The following STK32C variants were observed in gnomAD, a reference collection of about 807,000 sequenced individuals.
STK32C encodes the protein serine/threonine-protein kinase 32C.
STK32C carries 31 observed loss-of-function variants against 56.5 expected under a neutral mutation model. The ratio of observed to expected loss-of-function variants is 0.55; its 90% confidence interval spans 0.41 to 0.74. The LOEUF (loss-of-function observed/expected upper bound fraction) is 0.74. STK32C is among the 30% of genes least tolerant of loss of function. The pLI is 0.00. For synonymous variants in STK32C, 309 were observed against 289.4 expected, an observed-to-expected ratio of 1.07 and a Z score of -0.69; for missense variants, 544 against 676.9, an observed-to-expected ratio of 0.80 and a Z score of 2.18.
chr10:132,292,776 C>G (rs1017577457), intron 1 of STK32C, among the ~76,000 whole-genome samples: 9 of 151,980 alleles, frequency 5.9e-5, no homozygotes, highest in African/African-American at 2.2e-4. Flanking sequence ...GCCTGGCTGA[C>G]ACCATCCCCT....
At position 132,268,100 on chromosome 10, in the gene STK32C, C is replaced by A. The variant is rs1460279369; in HGVS notation, c.263-22145G>T. Among the ~76,000 whole-genome samples, 4 of 144,434 alleles carry A rather than the reference C, an allele frequency of 2.8e-5. No homozygotes were observed. In the East Asian group the frequency reaches 8.6e-4, roughly 31 times the overall value. 94.8% of individuals were successfully genotyped at this position (144,434 alleles called of 152,430 possible). On this transcript the variant is annotated intron_variant, in intron 1 of 11. Coordinates refer to ENST00000298630, the MANE Select transcript of STK32C (RefSeq NM_173575.4). ...GTGTGTGTGTCGGTGTGTGTGCATGCCTGTGTATGCAGGTGCAGCTGTGCC... is the reference window on the plus strand; with the variant it reads ...GTGTGTGTGTCGGTGTGTGTGCATGACTGTGTATGCAGGTGCAGCTGTGCC...
intron 1 of STK32C, among the ~76,000 whole-genome samples, chr10:132,269,209 GCCTGTGGGTGCAGC>G (rs2064731166): frequency 6.6e-6 from 1 of 150,526 alleles, no homozygotes; most frequent in Non-Finnish European, 1.5e-5. Context: ...GCATGCATGT[GCCTGTGGGTGCAGC>G]TCTGTGCATG....
At chr10:132,314,426 T>C (rs1489712358) in intron 1 of STK32C, among the ~76,000 whole-genome samples, 1 of 152,044 alleles carries the variant, frequency 6.6e-6, no homozygotes, top group Non-Finnish European at 1.5e-5. Flanking sequence ...GGAGATACAA[T>C]GTAACTAAAA....
Position 132,307,585 on chromosome 10 carries a change from G to T in STK32C, c.249C>A (p.Asp83Glu). The change falls in exon 1 of 12, where the codon GAC (aspartate) becomes GAA (glutamate). Residue 83 changes from aspartate to glutamate, a missense_variant. Around this residue, in one of 3 missense-constraint regions of STK32C, gnomAD observed 182 missense variants for 217.7 expected, o/e 0.84. Transcript: ENST00000298630. The surrounding 1 kb of genome is among the most constrained non-coding windows in gnomAD (Gnocchi z 4.4). ...SAATARRPVFDDKEDVNFDHF... is the reference protein window; with the variant it reads ...SAATARRPVFEDKEDVNFDHF... ...GCCCGCACTCACCGTCCTCCTTGTC[G>T]TCAAACACCGGCCTCCGCGCGGTGG... 4 of 1,533,456 alleles carry T rather than the reference G, an allele frequency of 2.6e-6. No homozygotes were observed. Among genetic ancestry groups the T allele is most frequent in the Non-Finnish European group, 3.5e-6 (4 of 1,140,046 alleles). 95.0% of individuals were successfully genotyped at this position (1,533,456 alleles called of 1,614,324 possible).
intron 1 of STK32C, among the ~76,000 whole-genome samples, chr10:132,275,149 C>A (rs1407545760): frequency 6.6e-6 from 1 of 152,224 alleles, no homozygotes; most frequent in Non-Finnish European, 1.5e-5. Flanking sequence ...GGCCCATCAG[C>A]CCGTCTGGCC....
intron 2 of STK32C, among the ~76,000 whole-genome samples, chr10:132,240,292 T>G (rs1178781068): frequency 6.6e-6 from 1 of 152,076 alleles, no homozygotes; most frequent in Non-Finnish European, 1.5e-5. Context: ...CAGAACCAGC[T>G]CCTCCCGGCG....
chr10:132,226,063 G>A (rs1254232406), intron 4 of STK32C, among the ~76,000 whole-genome samples: 1 of 152,216 alleles, frequency 6.6e-6, no homozygotes, highest in Non-Finnish European at 1.5e-5. Flanking sequence ...GAGGACGAGA[G>A]CAATTGCTGG....
chr10:132,276,478 G>A (rs987493559), intron 1 of STK32C, among the ~76,000 whole-genome samples: 55 of 152,276 alleles, frequency 3.6e-4, no homozygotes, highest in Non-Finnish European at 1.5e-4. Flanking sequence ...GCATCCACCC[G>A]ATACACTCAG....
intron 1 of STK32C, among the ~76,000 whole-genome samples, chr10:132,273,409 C>T (rs144556336): frequency 3.2e-3 from 482 of 152,146 alleles, no homozygotes; most frequent in African/African-American, 0.011. Context: ...TCAACAAAGC[C>T]CTGTTGAGTG....
At chr10:132,208,609 C>T (rs2062182450) in intron 11 of STK32C, among the ~76,000 whole-genome samples, 1 of 152,142 alleles carries the variant, frequency 6.6e-6, no homozygotes, top group Non-Finnish European at 1.5e-5. Flanking sequence ...TCCCTTGGGC[C>T]CCACCGTGGC....
rs116879872 is a variant in STK32C at position 132,278,291 on chromosome 10, T to C, written c.262+29281A>G. ...CCGCACATGCCATGCCTCCGTGAGT[T>C]CTAAAAACAAAAATTCACCAGTGAA... On this transcript the variant is annotated intron_variant, in intron 1 of 11. Transcript: ENST00000298630. Among the ~76,000 whole-genome samples the C allele has an allele frequency of 7.1e-3, 1,077 of 152,076 alleles. 5 individuals carry two copies. Among genetic ancestry groups the C allele is most frequent in the South Asian group, 0.014 (68 of 4,810 alleles).
Position 132,258,813 on chromosome 10 carries a change from C to T in STK32C, c.263-12858G>A, listed in dbSNP as rs150647252. On this transcript the variant is annotated intron_variant, in intron 1 of 11. Transcript: ENST00000298630. ...TCAGGGCCGGATGAGGATCCCCAAA[C>T]ACCACAGTGCCGAGGAGGGGCTGCG... is the stretch of plus-strand genomic sequence containing the variant. Among the ~76,000 whole-genome samples the T allele has an allele frequency of 2.0e-5, 3 of 152,380 alleles. No individual in the cohort carries two copies. In the East Asian group the frequency reaches 5.8e-4, roughly 29 times the overall value.
chr10:132,271,731 C>G (rs1467720923), intron 1 of STK32C, among the ~76,000 whole-genome samples: 1 of 152,232 alleles, frequency 6.6e-6, no homozygotes, highest in East Asian at 1.9e-4. Flanking sequence ...TCACCCGTTC[C>G]TGACCCCAGA....
intron 1 of STK32C, among the ~76,000 whole-genome samples, chr10:132,285,128 T>C (rs1248285004): frequency 6.7e-6 from 1 of 148,856 alleles, no homozygotes; most frequent in East Asian, 2.0e-4. Context: ...AGACCAGGCA[T>C]GAACCCGGAA....
intron 8 of STK32C, 31 bp downstream of exon 8, chr10:132,224,376 A>AG: frequency 6.7e-7 from 1 of 1,499,360 alleles, no homozygotes; most frequent in Non-Finnish European, 9.1e-7. Flanking sequence ...GGGTGCTCGG[A>AG]GGGTGAGGAG....
At chr10:132,245,026 C>T (rs2063636354) in intron 2 of STK32C, among the ~76,000 whole-genome samples, 1 of 152,196 alleles carries the variant, frequency 6.6e-6, no homozygotes, top group Non-Finnish European at 1.5e-5. Flanking sequence ...TCTGACTTTT[C>T]ATCATCCCAG....
intron 2 of STK32C, among the ~76,000 whole-genome samples, chr10:132,238,828 G>A (rs1667076128): frequency 1.3e-5 from 2 of 152,092 alleles, no homozygotes; most frequent in African/African-American, 4.8e-5. Flanking sequence ...ACAGAGGCAT[G>A]CACACACACG....
rs151002352 is a variant in STK32C, at chr10:132,331,332, C to T, written c.301+104G>A. The T allele has an allele frequency of 9.6e-6, 11 of 1,150,604 alleles. No individual in the cohort carries two copies. The African/African-American group carries it at 1.1e-4, about 11-fold the overall frequency. 71.3% of individuals were successfully genotyped at this position (1,150,604 alleles called of 1,614,324 possible). A position where few individuals can be genotyped will look rare whatever the true frequency, so the allele number is the denominator to read the frequency against. On this transcript the variant is annotated intron_variant, in intron 1 of 1. Coordinates refer to the STK32C transcript ENST00000368619. ...TCAGTTGGATCCTGGAATGAAGGTGCACGGGACTCCAGGGTTCCACAGGAC... is the reference window on the plus strand; with the variant it reads ...TCAGTTGGATCCTGGAATGAAGGTGTACGGGACTCCAGGGTTCCACAGGAC...
chr10:132,243,717 G>A (rs564656217), intron 2 of STK32C, among the ~76,000 whole-genome samples: 36 of 152,316 alleles, frequency 2.4e-4, no homozygotes, highest in Admixed American at 9.8e-4. Context: ...TTCCGAGAGC[G>A]GCGGCCCCGA....
Sources: allele counts gnomAD v4.1 joint callset (sites outside exome capture counted in the v4.1 genomes callset), GRCh38; gene constraint gnomAD v4.1.1; regional missense constraint gnomAD v4.1.1; non-coding constraint Gnocchi (gnomAD v3.1); transcripts MANE v1.5; gene names NCBI Gene and HGNC (gene_info 2026-07-23, HGNC 2026-07-21).